Variants in AMBP observed in about 807,000 individuals in gnomAD.
AMBP encodes protein AMBP.
AMBP carries 37 observed loss-of-function variants against 46.3 expected under a neutral mutation model. The ratio of observed to expected loss-of-function variants is 0.80; its 90% CI spans 0.61 to 1.05. AMBP has a LOEUF of 1.05. Ranked by LOEUF, AMBP falls within the 50% of genes least tolerant of loss-of-function variation. The pLI, the probability that AMBP is intolerant of heterozygous loss-of-function variation, is 0.00. For missense variants in AMBP, 475 were observed against 461.2 expected (o/e 1.03, Z -0.27); for synonymous variants, 174 against 175.9 (o/e 0.99, Z 0.09).
At chr9:114,077,118 A>G (rs1018908470) in intron 1 of AMBP, among the ~76,000 whole-genome samples, 4 of 152,178 alleles carry the variant, frequency 2.6e-5, no homozygotes, top group African/African-American at 9.7e-5. Flanking sequence ...CCACCTTGCA[A>G]GGCAGCCCAC....
Position 114,060,987 on chromosome 9 carries a change from C to T in AMBP, c.965G>A (p.Gly322Asp). 2 of 1,614,246 alleles carry T rather than the reference C, an allele frequency of 1.2e-6. No individual in the cohort carries two copies. Among genetic ancestry groups the T allele is most frequent in the Non-Finnish European group, 1.7e-6 (2 of 1,180,046 alleles). Residue 322 changes from glycine to aspartate, a missense_variant, in exon 9 of 10, where the codon GGC (glycine) becomes GAC (aspartate). Around this residue, in one of 3 missense-constraint regions of AMBP, gnomAD observed 293 missense variants for 276.9 expected, o/e 1.06. Coordinates refer to ENST00000265132, the MANE Select transcript of AMBP (RefSeq NM_001633.4). The stretch of plus-strand genomic sequence containing the variant: ...CTCTGAGTAGAACTTGTTCCCGTTG[C>T]CCTGGCAGCCCCCGTAGGGGAAGAG... Reference protein sequence around the residue: ...CVLFPYGGCQGNGNKFYSEKE... With the variant: ...CVLFPYGGCQDNGNKFYSEKE...
At chr9:114,077,806 G>A (rs144301375) in intron 1 of AMBP, among the ~76,000 whole-genome samples, 1 of 152,340 alleles carries the variant, frequency 6.6e-6, no homozygotes, top group African/African-American at 2.4e-5. Flanking sequence ...CAGGGCAGTG[G>A]CAGGCAGGAC....
intron 9 of AMBP, 163 bp downstream of exon 9, chr9:114,060,762 G>A: frequency 2.4e-6 from 2 of 830,958 alleles, no homozygotes; most frequent in South Asian, 1.9e-5. Flanking sequence ...AATTCCAGCT[G>A]GGGTAAGGCC....
chr9:114,061,823 G>T (rs1846642513), intron 7 of AMBP, among the ~76,000 whole-genome samples: 1 of 152,084 alleles, frequency 6.6e-6, no homozygotes, highest in Admixed American at 6.5e-5. Context: ...ATGTCATGGG[G>T]AGTTACCAGT....
At chr9:114,077,977 A>G in intron 1 of AMBP, 116 bp downstream of exon 1, 2 of 987,872 alleles carry the variant, frequency 2.0e-6, no homozygotes, top group African/African-American at 3.2e-5. Context: ...CCATAATCCC[A>G]GATGATCTGA....
chr9:114,067,653 A>C (rs1846707225), intron 6 of AMBP, among the ~76,000 whole-genome samples: 1 of 152,238 alleles, frequency 6.6e-6, no homozygotes, highest in Non-Finnish European at 1.5e-5. Context: ...GAACAGAAGA[A>C]ATAAATTGCC....
At chr9:114,071,534 C>T (rs1846744778) in intron 5 of AMBP, among the ~76,000 whole-genome samples, 3 of 152,224 alleles carry the variant, frequency 2.0e-5, no homozygotes, top group Non-Finnish European at 4.4e-5. Context: ...CTGACAGGCT[C>T]CTGAGTGGAA....
intron 6 of AMBP, among the ~76,000 whole-genome samples, chr9:114,067,034 G>A (rs910821604): frequency 2.0e-5 from 3 of 152,056 alleles, no homozygotes; most frequent in East Asian, 3.9e-4. Context: ...TCTGCCTCCC[G>A]GGTTCAAGTG....
At chr9:114,074,649 T>G (rs758883956) in intron 3 of AMBP, among the ~76,000 whole-genome samples, 1 of 152,224 alleles carries the variant, frequency 6.6e-6, no homozygotes, top group Non-Finnish European at 1.5e-5. Flanking sequence ...TCATGCACAC[T>G]GTACGTGGTA....
chr9:114,076,635 T>C lies in AMBP; in HGVS notation c.223A>G (p.Thr75Ala), dbSNP rs1363772787. 3.1e-6 allele frequency: 5 copies of C among 1,613,912 alleles called. No homozygotes were observed. The highest frequency in any genetic ancestry group is 2.2e-5 in the East Asian group (1 of 44,878). The change falls in exon 2 of 10, where the codon ACA becomes GCA. Residue 75 changes from threonine to alanine, a missense_variant. Thr to Ala is a moderately conservative substitution (Grantham distance 58, BLOSUM62 0). Around this residue, in one of 3 missense-constraint regions of AMBP, gnomAD observed 179 missense variants for 167.4 expected, o/e 1.07. Coordinates refer to ENST00000265132, the MANE Select transcript of AMBP (RefSeq NM_001633.4). Reference protein sequence around the residue: ...VSTLVLGEGATEAEISMTSTR... With the variant: ...VSTLVLGEGAAEAEISMTSTR... ...CTGGTCATGCTGATCTCCGCCTCTG[T>C]AGCGCCCTCTCCCAGCACCAGCGTG...
In AMBP at chr9:114,060,931, C is replaced by G. The variant is rs2134842850; in HGVS notation, c.1021G>C (p.Gly341Arg). 2.5e-6 allele frequency: 4 copies of G among 1,613,408 alleles called. No individual in the cohort carries two copies. In the East Asian group the frequency reaches 8.9e-5, roughly 36 times the overall value. The change falls in exon 9 of 10, where the codon GGT becomes CGT. Residue 341 changes from glycine to arginine, a missense_variant. This residue lies in a region of AMBP where 293 missense variants were observed against 276.9 expected (regional missense o/e 1.06). Transcript: ENST00000265132. ...ACCCTGCAGGGCTGCCTACCATCAC[C>G]AGGGACACCGCAGTACTCTCTGCAC... is the stretch of plus-strand genomic sequence containing the variant. ...KECREYCGVP[G>R]DGDEELLRFS...
At chr9:114,066,018 C>A (rs1262596983) in intron 6 of AMBP, among the ~76,000 whole-genome samples, 1 of 146,066 alleles carries the variant, frequency 6.8e-6, no homozygotes, top group Non-Finnish European at 1.5e-5. Flanking sequence ...TCAGACAGCC[C>A]CCAGGGGTCA....
rs767880075 is a variant in AMBP at position 114,061,450 on chromosome 9, T to G, written c.827A>C (p.Glu276Ala). ...CACAGTTCGGCAGGTCTGCAGACAC[T>G]CCTTTTCTGTGACGAAGTTGTTACC... Reference protein sequence around the residue: ...GNGNNFVTEKECLQTCRTVAA... With the variant: ...GNGNNFVTEKACLQTCRTVAA... Residue 276 changes from glutamate (E) to alanine (A), a missense_variant, in exon 8 of 10, where the codon GAG becomes GCG. Transcript: ENST00000265132. 5 of 1,614,084 alleles carry G rather than the reference T, an allele frequency of 3.1e-6. No individual in the cohort carries two copies. In the East Asian group the frequency reaches 1.1e-4, roughly 36 times the overall value.
intron 5 of AMBP, 106 bp from the exon 6 acceptor site, chr9:114,069,851 T>A: frequency 8.3e-7 from 1 of 1,206,356 alleles, no homozygotes; most frequent in Admixed American, 1.7e-5. Flanking sequence ...GAACTTGTCG[T>A]GCCTTAGTCC....
chr9:114,069,676 G>C, intron 6 of AMBP, 23 bp downstream of exon 6: 1 of 1,606,296 alleles, frequency 6.2e-7, no homozygotes, highest in Non-Finnish European at 8.5e-7. Context: ...GGGTGGGATG[G>C]GGTCGGGGGA....
chr9:114,072,993 T>G lies in AMBP; in HGVS notation c.488A>C (p.Gln163Pro), dbSNP rs760391071. ...ACCCTGGGCAACCACTCTGAAGTCC[T>G]GCAGGAGAGTTTCCCTCAGCTGCGG... ...RAPQLRETLL[Q>P]DFRVVAQGVG... Residue 163 changes from glutamine (Q) to proline (P), a missense_variant, in exon 5 of 10, where the codon CAG becomes CCG. This residue lies in a region of AMBP where 293 missense variants were observed against 276.9 expected (regional missense o/e 1.06). Coordinates refer to ENST00000265132, the MANE Select transcript of AMBP (RefSeq NM_001633.4). 2 of 1,613,878 alleles carry G rather than the reference T, an allele frequency of 1.2e-6. No individual in the cohort carries two copies. Among genetic ancestry groups the G allele is most frequent in the Non-Finnish European group, 1.7e-6 (2 of 1,179,838 alleles).
chr9:114,060,515 A>G (rs771088605), intron 9 of AMBP, among the ~76,000 whole-genome samples: 1 of 152,052 alleles, frequency 6.6e-6, no homozygotes, highest in Non-Finnish European at 1.5e-5. Context: ...TACTGTTACC[A>G]TTGTATCGTT....
chr9:114,068,825 A>C (rs1006048315), intron 6 of AMBP, among the ~76,000 whole-genome samples: 21 of 151,358 alleles, frequency 1.4e-4, no homozygotes, highest in African/African-American at 1.9e-4. Context: ...AAAAAAAAAA[A>C]AAAAAAACCT....
At chr9:114,072,283 G>A (rs1846753420) in intron 5 of AMBP, among the ~76,000 whole-genome samples, 1 of 152,166 alleles carries the variant, frequency 6.6e-6, no homozygotes, top group Non-Finnish European at 1.5e-5. Context: ...TGGGAAATCT[G>A]CTTGTGGTGC....
Sources: allele counts gnomAD v4.1 joint callset (sites outside exome capture counted in the v4.1 genomes callset), GRCh38; gene constraint gnomAD v4.1.1; regional missense constraint gnomAD v4.1.1; transcripts MANE v1.5; gene names NCBI Gene and HGNC (gene_info 2026-07-23, HGNC 2026-07-21).